FBXO21: variants seen among roughly 807,000 people sequenced by gnomAD.
FBXO21 encodes the protein F-box protein 21, also known as F-box only protein 21.
A neutral mutation model predicts 76.6 loss-of-function variants in FBXO21; 32 were observed. The observed-to-expected ratio is 0.42, with a 90% CI of 0.32 to 0.56. FBXO21 has a LOEUF of 0.56. Ranked by LOEUF, FBXO21 falls within the 20% of genes least tolerant of loss-of-function variation. FBXO21 has a pLI of 0.16. For synonymous variants in FBXO21, 328 were observed against 311.5 expected (o/e 1.05, Z -0.56); for missense variants, 586 against 797.3 (o/e 0.73, Z 3.19).
chr12:117,175,817 A>C (rs1411189016), intron 4 of FBXO21, among the ~76,000 whole-genome samples: 1 of 152,188 alleles, frequency 6.6e-6, no homozygotes, highest in Non-Finnish European at 1.5e-5. Flanking sequence ...CAACTACTAA[A>C]CAACTTCCAA....
At chr12:117,161,198 T>C (rs1955972613) in intron 9 of FBXO21, among the ~76,000 whole-genome samples, 1 of 151,980 alleles carries the variant, frequency 6.6e-6, no homozygotes, top group African/African-American at 2.4e-5. Context: ...GGCAGAAGTC[T>C]AAGCTGACAG....
chr12:117,174,404 C>A (rs1956153344), intron 5 of FBXO21, 63 bp from the exon 6 acceptor site: 2 of 1,549,506 alleles, frequency 1.3e-6, no homozygotes, highest in East Asian at 4.5e-5. Context: ...GTGCCCCAAA[C>A]AACTCACAAC....
At chr12:117,149,930 G>A (rs1269256813) in intron 11 of FBXO21, among the ~76,000 whole-genome samples, 4 of 152,186 alleles carry the variant, frequency 2.6e-5, no homozygotes, top group Admixed American at 6.5e-5. Flanking sequence ...AGAAGTCCAG[G>A]CAGGAACGGT....
At chr12:117,186,682 A>T in intron 2 of FBXO21, 111 bp from the exon 3 acceptor site, 2 of 663,664 alleles carry the variant, frequency 3.0e-6, no homozygotes, top group Non-Finnish European at 5.3e-6. Flanking sequence ...CAGTGCTAAC[A>T]GTTATTCTAC....
chr12:117,167,758 A>G (rs11068383), intron 7 of FBXO21, among the ~76,000 whole-genome samples: 9,433 of 152,004 alleles, frequency 0.062, 372 homozygotes, highest in East Asian at 0.15. Context: ...AAAAAAAAAA[A>G]AAAAGTTACA....
rs921132429 is a variant in FBXO21 at position 117,175,589 on chromosome 12, C to T, written c.593-792G>A. ...AAGCAGTTGAACGGGTGTCAAGACACCTCGACCCCAGTCCCAGTGTTGCCA... is the reference window on the plus strand; with the variant it reads ...AAGCAGTTGAACGGGTGTCAAGACATCTCGACCCCAGTCCCAGTGTTGCCA... On this transcript the variant is annotated intron_variant, in intron 4 of 11. Coordinates refer to ENST00000622495, the MANE Select transcript of FBXO21 (RefSeq NM_015002.3). 2.6e-5 allele frequency among the ~76,000 whole-genome samples: 4 copies of T among 152,266 alleles called. No homozygotes were observed. The South Asian group carries it at 8.3e-4, about 31-fold the overall frequency.
At chr12:117,166,207 A>C (rs1042743156) in intron 8 of FBXO21, among the ~76,000 whole-genome samples, 1 of 152,062 alleles carries the variant, frequency 6.6e-6, no homozygotes, top group African/African-American at 2.4e-5. Flanking sequence ...AAAAAAAAAA[A>C]AAGAATTCTG....
At position 117,167,130 on chromosome 12, in the gene FBXO21, T is replaced by A. The variant is rs891088362; in HGVS notation, c.1014-53A>T. The A allele has an allele frequency of 2.2e-5, 31 of 1,399,794 alleles. No homozygotes were observed. The South Asian group carries it at 3.7e-4, about 17-fold the overall frequency. The allele number at this position is 1,399,794 out of a possible 1,614,324, so 86.7% of individuals were successfully genotyped here. On this transcript the variant is annotated intron_variant, in intron 7 of 11. Coordinates refer to ENST00000622495, the MANE Select transcript of FBXO21 (RefSeq NM_015002.3). ...GAGCTGAACAACTCATTATTTTAAG[T>A]CTCCACAGTAAGTAGCTCAAATCAT...
chr12:117,180,824 G>A (rs975506358), intron 3 of FBXO21, among the ~76,000 whole-genome samples: 1 of 151,612 alleles, frequency 6.6e-6, no homozygotes, highest in Non-Finnish European at 1.5e-5. Context: ...TAGTAGAGAC[G>A]AGGTTTCACC....
At chr12:117,155,505 C>T in intron 11 of FBXO21, 1 of 456,934 alleles carries the variant, frequency 2.2e-6, no homozygotes, top group Non-Finnish European at 4.0e-6. Flanking sequence ...GGAGGCAGGA[C>T]TTACAGGAAT....
At chr12:117,172,440 G>A in intron 7 of FBXO21, 31 bp downstream of exon 7, 1 of 1,601,928 alleles carries the variant, frequency 6.2e-7, no homozygotes, top group Non-Finnish European at 8.5e-7. Flanking sequence ...CAAATCTTCA[G>A]GACCACAGAT....
At chr12:117,155,180 A>C (rs1350373007) in intron 11 of FBXO21, 2 of 152,508 alleles carry the variant, frequency 1.3e-5, no homozygotes, top group African/African-American at 4.8e-5. Context: ...AAGAGAAGGG[A>C]GACTCACACT....
intron 3 of FBXO21, among the ~76,000 whole-genome samples, chr12:117,178,677 G>A (rs1256618254): frequency 6.6e-6 from 1 of 151,314 alleles, no homozygotes; most frequent in Non-Finnish European, 1.5e-5. Flanking sequence ...CTGTTCTTCT[G>A]CCTGGAACAT....
chr12:117,165,377 T>C, intron 9 of FBXO21, 108 bp downstream of exon 9: 2 of 1,116,894 alleles, frequency 1.8e-6, no homozygotes, highest in East Asian at 2.4e-5. Context: ...CTGAATAAAT[T>C]TGTGTTTATT....
At chr12:117,188,254 C>T (rs927310519) in intron 2 of FBXO21, among the ~76,000 whole-genome samples, 1 of 152,112 alleles carries the variant, frequency 6.6e-6, no homozygotes, top group Admixed American at 6.6e-5. Context: ...GATACAGAAA[C>T]TTCCGTGAGG....
intron 11 of FBXO21, among the ~76,000 whole-genome samples, chr12:117,146,823 C>T (rs1392859952): frequency 1.3e-5 from 2 of 152,112 alleles, no homozygotes; most frequent in East Asian, 1.9e-4. Flanking sequence ...GCTGTGAGAC[C>T]GTGGGATGAA....
At chr12:117,173,009 G>C (rs550481823) in intron 6 of FBXO21, among the ~76,000 whole-genome samples, 2 of 151,824 alleles carry the variant, frequency 1.3e-5, no homozygotes, top group Non-Finnish European at 2.9e-5. Flanking sequence ...TAACAACAGA[G>C]ACTACATGGC....
At chr12:117,171,991 A>G (rs1956122553) in intron 7 of FBXO21, among the ~76,000 whole-genome samples, 1 of 152,032 alleles carries the variant, frequency 6.6e-6, no homozygotes, top group East Asian at 1.9e-4. Context: ...ACCCTATTCA[A>G]TCTCCCCTGC....
chr12:117,157,996 A>C lies in FBXO21; in HGVS notation c.1394T>G (p.Val465Gly). 6.2e-7 allele frequency: 1 copy of C among 1,614,214 alleles called. No homozygotes were observed. The highest frequency in any genetic ancestry group is 8.5e-7 in the Non-Finnish European group (1 of 1,180,028). Residue 465 changes from valine (V) to glycine (G), a missense_variant, in exon 10 of 12, where the codon GTG (valine) becomes GGG (glycine). Val to Gly is a moderately radical substitution (Grantham distance 109, BLOSUM62 -3). Around this residue, in one of 6 missense-constraint regions of FBXO21, gnomAD observed 164 missense variants for 236.7 expected, o/e 0.69. Transcript: ENST00000622495. ...PGQHGAVGYLVQHTLEHIERK... is the reference protein window; with the variant it reads ...PGQHGAVGYLGQHTLEHIERK... ...CTCAATGTGCTCTAGAGTGTGCTGC[A>C]CCAGGTAGCCCACCGCCCCGTGCTG...
Sources: gnomAD v4.1 joint callset for allele counts (sites outside exome capture counted in the v4.1 genomes callset) on GRCh38, gnomAD v4.1.1 for gene constraint, gnomAD v4.1.1 regional missense constraint, MANE v1.5 for transcripts, NCBI Gene and HGNC (gene_info 2026-07-23, HGNC 2026-07-21) for gene names.